Variants in KCTD16 observed in about 807,000 individuals in gnomAD.
KCTD16 encodes potassium channel tetramerization domain containing 16, also known as BTB/POZ domain-containing protein KCTD16.
Under a neutral mutation model 33.2 loss-of-function variants are expected in KCTD16, and 13 were observed. The observed-to-expected ratio is 0.39, with a 90% confidence interval of 0.25 to 0.62. KCTD16 has a LOEUF of 0.62. KCTD16 is among the 20% of genes least tolerant of loss of function. The probability of loss-of-function intolerance (pLI) is 0.50; values close to 1 mark genes in which losing one functional copy is unlikely to be tolerated. For missense variants in KCTD16, 441 were observed against 525.1 expected (o/e 0.84, Z 1.57); for synonymous variants, 197 against 195.3 (o/e 1.01, Z -0.07).
At chr5:144,368,211 A>G (rs1751883041) in intron 3 of KCTD16, among the ~76,000 whole-genome samples, 1 of 152,160 alleles carries the variant, frequency 6.6e-6, no homozygotes, top group African/African-American at 2.4e-5. Context: ...AATATGTTAC[A>G]TTACATGACA....
rs562237211 is a variant in KCTD16 at position 144,332,301 on chromosome 5, A to G, written c.832+124755A>G. ...AAGACAGCAAAATGAGGCTGAGTCT[A>G]TGACTCAGGCAAGGCGCAGGGGGCC... On this transcript the variant is annotated intron_variant, in intron 3 of 3. Transcript: ENST00000512467. 1.4e-4 allele frequency among the ~76,000 whole-genome samples: 21 copies of G among 152,246 alleles called. No individual in the cohort carries two copies. In the East Asian group the frequency reaches 1.9e-3, roughly 14 times the overall value.
intron 3 of KCTD16, among the ~76,000 whole-genome samples, chr5:144,442,357 G>A (rs914442652): frequency 6.6e-6 from 1 of 152,050 alleles, no homozygotes; most frequent in African/African-American, 2.4e-5. Context: ...TTGTGTACCA[G>A]ATGCCACAGC....
At chr5:144,334,880 G>C (rs1302506164) in intron 3 of KCTD16, among the ~76,000 whole-genome samples, 1 of 151,914 alleles carries the variant, frequency 6.6e-6, no homozygotes, top group African/African-American at 2.4e-5. Flanking sequence ...AGGCTTAAGC[G>C]ATCCTCCCAC....
intron 3 of KCTD16, among the ~76,000 whole-genome samples, chr5:144,420,439 C>G (rs779324544): frequency 6.6e-6 from 1 of 151,986 alleles, no homozygotes; most frequent in Non-Finnish European, 1.5e-5. Context: ...CATTGACAAA[C>G]TTGGTGGCTG....
At chr5:144,336,614 C>T (rs756064887) in intron 3 of KCTD16, among the ~76,000 whole-genome samples, 2 of 152,148 alleles carry the variant, frequency 1.3e-5, no homozygotes, top group African/African-American at 2.4e-5. Flanking sequence ...GTGTTTCCCA[C>T]GTTTTTAAAT....
chr5:144,425,061 C>T (rs1346095756), intron 3 of KCTD16, among the ~76,000 whole-genome samples: 4 of 152,060 alleles, frequency 2.6e-5, no homozygotes, highest in Non-Finnish European at 5.9e-5. Context: ...AGGTGAGACT[C>T]AAGGCATGAT....
chr5:144,397,859 T>C (rs1328287295), intron 3 of KCTD16, among the ~76,000 whole-genome samples: 1 of 152,184 alleles, frequency 6.6e-6, no homozygotes, highest in African/African-American at 2.4e-5. Flanking sequence ...AGACACAGGC[T>C]AATGGTCCAT....
At chr5:144,294,719 T>C (rs1231421519) in intron 3 of KCTD16, among the ~76,000 whole-genome samples, 1 of 152,204 alleles carries the variant, frequency 6.6e-6, no homozygotes, top group African/African-American at 2.4e-5. Context: ...TGGGCAGAAC[T>C]GGGTTCTAAT....
intron 3 of KCTD16, among the ~76,000 whole-genome samples, chr5:144,442,027 G>C (rs919281647): frequency 2.0e-5 from 3 of 152,058 alleles, no homozygotes; most frequent in African/African-American, 7.2e-5. Flanking sequence ...AGTTTTTAGT[G>C]TACAAGACTT....
rs770089778 is a variant in KCTD16 at position 144,206,882 on chromosome 5, C to T, written c.168C>T (p.Ser56=). The change falls in exon 3 of 4, where the codon TCC becomes TCT. Residue 56 remains serine (S), a synonymous_variant. Transcript: ENST00000512467. ...IPHSLLWKMF[S]PKRDTANDLA... is the part of the protein sequence containing the mutation. ...ATTCCCTCCTGTGGAAAATGTTTTC[C>T]CCAAAGAGAGACACGGCTAATGATC... The T allele has an allele frequency of 3.1e-6, 5 of 1,614,100 alleles. No homozygotes were observed. In the Admixed American group the frequency reaches 6.7e-5, roughly 22 times the overall value.
intron 3 of KCTD16, among the ~76,000 whole-genome samples, chr5:144,373,112 G>A (rs570933372): frequency 6.4e-4 from 98 of 152,256 alleles, no homozygotes; most frequent in African/African-American, 2.3e-3. Context: ...TGAAATCCTG[G>A]CTTAGGCAGC....
At chr5:144,209,587 A>G (rs148214048) in intron 3 of KCTD16, among the ~76,000 whole-genome samples, 16 of 152,054 alleles carry the variant, frequency 1.1e-4, no homozygotes, top group African/African-American at 3.9e-4. Context: ...TCTAGGGTGC[A>G]TAACAGCTTC....
At chr5:144,454,299 G>C (rs1310084402) in intron 3 of KCTD16, among the ~76,000 whole-genome samples, 1 of 152,098 alleles carries the variant, frequency 6.6e-6, no homozygotes, top group Non-Finnish European at 1.5e-5. Context: ...AGCATTCATA[G>C]AACCAGAAAC....
intron 3 of KCTD16, among the ~76,000 whole-genome samples, chr5:144,247,865 A>T (rs1443932687): frequency 6.6e-6 from 1 of 152,060 alleles, no homozygotes; most frequent in Admixed American, 6.6e-5. Context: ...CTACTTCTCT[A>T]ATTTTCCCAC....
chr5:144,264,140 T>C (rs1194287187), intron 3 of KCTD16, among the ~76,000 whole-genome samples: 1 of 152,230 alleles, frequency 6.6e-6, no homozygotes, highest in East Asian at 1.9e-4. Flanking sequence ...CCCATGTCTT[T>C]TGAACATATT....
intron 3 of KCTD16, among the ~76,000 whole-genome samples, chr5:144,449,969 C>T (rs2126983915): frequency 6.6e-6 from 1 of 152,086 alleles, no homozygotes; most frequent in East Asian, 1.9e-4. Flanking sequence ...AACTAAAAAA[C>T]TTCTGCATGG....
chr5:144,277,576 G>A (rs557879982), intron 3 of KCTD16, among the ~76,000 whole-genome samples: 35 of 152,308 alleles, frequency 2.3e-4, no homozygotes, highest in African/African-American at 8.4e-4. Flanking sequence ...GACAGTGGCA[G>A]GGCCAGCATT....
At chr5:144,248,916 C>T (rs1445814840) in intron 3 of KCTD16, among the ~76,000 whole-genome samples, 2 of 152,118 alleles carry the variant, frequency 1.3e-5, no homozygotes, top group Non-Finnish European at 2.9e-5. Flanking sequence ...TCCTGCTTCT[C>T]TTAAAATAAA....
At chr5:144,299,405 G>A (rs1751355492) in intron 3 of KCTD16, among the ~76,000 whole-genome samples, 1 of 151,664 alleles carries the variant, frequency 6.6e-6, no homozygotes, top group South Asian at 2.1e-4. Flanking sequence ...TGCAGGGAAG[G>A]AAGAGGTCCC....
Sources: allele counts gnomAD v4.1 joint callset (sites outside exome capture counted in the v4.1 genomes callset), GRCh38; gene constraint gnomAD v4.1.1; transcripts MANE v1.5; gene names NCBI Gene and HGNC (gene_info 2026-07-23, HGNC 2026-07-21).